The following AGBL4 variants were observed in gnomAD, a reference collection of about 807,000 sequenced individuals.
The protein encoded by AGBL4 is AGBL carboxypeptidase 4.
A neutral mutation model predicts 66.4 loss-of-function variants in AGBL4; 58 were observed. The observed-to-expected ratio is 0.87, with a 90% CI of 0.71 to 1.09. The LOEUF (loss-of-function observed/expected upper bound fraction) is 1.09, where lower values mean the gene tolerates loss of function less well. Among genes scored for constraint, AGBL4 ranks in the 50% least tolerant of loss-of-function variants. AGBL4 has a pLI of 0.00. For synonymous variants in AGBL4, 234 were observed against 222.9 expected (o/e 1.05, Z -0.44); for missense variants, 579 against 631.0 (o/e 0.92, Z 0.88).
chr1:49,197,964 A>G (rs939242814), intron 4 of AGBL4, among the ~76,000 whole-genome samples: 1 of 152,146 alleles, frequency 6.6e-6, no homozygotes, highest in Admixed American at 6.6e-5. Flanking sequence ...TATGCCACCC[A>G]GCTTGTTATG....
intron 9 of AGBL4, among the ~76,000 whole-genome samples, chr1:48,601,326 T>C (rs537147035): frequency 3.3e-5 from 5 of 152,352 alleles, no homozygotes; most frequent in African/African-American, 1.2e-4. Flanking sequence ...TAACTGGCTT[T>C]GTGCCTACCA....
At chr1:49,429,005 G>T (rs1473083718) in intron 3 of AGBL4, among the ~76,000 whole-genome samples, 1 of 152,230 alleles carries the variant, frequency 6.6e-6, no homozygotes, top group Non-Finnish European at 1.5e-5. Flanking sequence ...ACCACAGGCT[G>T]ATGTATCTGC....
intron 3 of AGBL4, among the ~76,000 whole-genome samples, chr1:49,687,782 TA>T (rs953074081): frequency 3.5e-4 from 52 of 148,346 alleles, no homozygotes; most frequent in East Asian, 1.8e-3. Flanking sequence ...CTAAAAAAAA[TA>T]AAAAAAAAAT....
At chr1:49,134,214 C>G (rs1390495696) in intron 4 of AGBL4, among the ~76,000 whole-genome samples, 1 of 152,064 alleles carries the variant, frequency 6.6e-6, no homozygotes, top group Admixed American at 6.6e-5. Flanking sequence ...CAAAAGATCA[C>G]AAGGCAGAAG....
chr1:48,573,016 A>G (rs1304465197), intron 11 of AGBL4, among the ~76,000 whole-genome samples: 1 of 152,166 alleles, frequency 6.6e-6, no homozygotes, highest in African/African-American at 2.4e-5. Context: ...CCCTACTAAC[A>G]CAGGCTGGGA....
At chr1:49,739,321 T>C (rs1571446805) in intron 2 of AGBL4, among the ~76,000 whole-genome samples, 2 of 151,926 alleles carry the variant, frequency 1.3e-5, no homozygotes, top group East Asian at 1.9e-4. Context: ...GAAGATCAAA[T>C]GAATGAAATG....
chr1:49,641,462 A>G (rs1000418551), intron 3 of AGBL4, among the ~76,000 whole-genome samples: 1 of 152,094 alleles, frequency 6.6e-6, no homozygotes, highest in Non-Finnish European at 1.5e-5. Context: ...ACCTTATCAC[A>G]TGAGACTGCA....
intron 3 of AGBL4, among the ~76,000 whole-genome samples, chr1:49,340,143 C>T (rs1298510503): frequency 6.7e-6 from 1 of 149,656 alleles, no homozygotes; most frequent in Admixed American, 6.7e-5. Context: ...GCTCCCATAT[C>T]TAATTAGTGC....
chr1:49,697,539 C>T, intron 2 of AGBL4, 102 bp from the exon 3 acceptor site: 3 of 973,912 alleles, frequency 3.1e-6, no homozygotes, highest in Non-Finnish European at 4.3e-6. Context: ...CATTTGTCAA[C>T]ATTCAGTACT....
At chr1:49,782,320 A>T (rs1024573768) in intron 2 of AGBL4, among the ~76,000 whole-genome samples, 2 of 152,178 alleles carry the variant, frequency 1.3e-5, no homozygotes, top group Non-Finnish European at 2.9e-5. Flanking sequence ...ATAAGATCAT[A>T]CTATGAACAA....
chr1:49,843,418 C>A (rs531995268), intron 2 of AGBL4, among the ~76,000 whole-genome samples: 2 of 152,304 alleles, frequency 1.3e-5, no homozygotes, highest in Admixed American at 1.3e-4. Flanking sequence ...AGATTACAGG[C>A]ATGAGGCCCT....
intron 11 of AGBL4, among the ~76,000 whole-genome samples, chr1:48,575,721 C>T (rs1050310256): frequency 6.6e-6 from 1 of 152,154 alleles, no homozygotes; most frequent in Non-Finnish European, 1.5e-5. Flanking sequence ...TGCACCTCCT[C>T]CCACCCCTTG....
At chr1:49,677,632 T>C (rs1207162020) in intron 3 of AGBL4, among the ~76,000 whole-genome samples, 2 of 152,148 alleles carry the variant, frequency 1.3e-5, no homozygotes, top group African/African-American at 4.8e-5. Context: ...TGTTTTGTTC[T>C]CTATTTTCTG....
chr1:49,575,837 G>T (rs886166077), intron 3 of AGBL4, among the ~76,000 whole-genome samples: 1 of 152,182 alleles, frequency 6.6e-6, no homozygotes, highest in Admixed American at 6.5e-5. Context: ...TGCTTCAGGG[G>T]TATATCAACT....
chr1:48,768,136 G>A (rs1351647868), intron 6 of AGBL4, among the ~76,000 whole-genome samples: 1 of 151,404 alleles, frequency 6.6e-6, no homozygotes, highest in Non-Finnish European at 1.5e-5. Context: ...GAAAAATAAG[G>A]AAGTTGCTGT....
chr1:48,802,515 G>A (rs907392478), intron 6 of AGBL4, among the ~76,000 whole-genome samples: 8 of 152,110 alleles, frequency 5.3e-5, no homozygotes, highest in Non-Finnish European at 1.2e-4. Context: ...TGGTACATTG[G>A]AAGCTCTTGG....
intron 3 of AGBL4, among the ~76,000 whole-genome samples, chr1:49,627,035 G>A (rs1558113717): frequency 6.6e-6 from 1 of 152,076 alleles, no homozygotes; most frequent in Non-Finnish European, 1.5e-5. Context: ...ATCTGCTGTT[G>A]CTCATGGACC....
intron 11 of AGBL4, chr1:48,586,538 T>G: frequency 6.0e-6 from 1 of 166,230 alleles, no homozygotes; most frequent in East Asian, 1.8e-4. Context: ...AAATAGTGAG[T>G]AGAGGGAAGA....
chr1:49,482,593 T>C (rs190996452), intron 3 of AGBL4, among the ~76,000 whole-genome samples: 1 of 152,068 alleles, frequency 6.6e-6, no homozygotes, highest in Admixed American at 6.5e-5. Flanking sequence ...GATTCTTTGA[T>C]GTTTTGAATG....
Sources: gnomAD v4.1 joint callset for allele counts (sites outside exome capture counted in the v4.1 genomes callset) on GRCh38, gnomAD v4.1.1 for gene constraint, MANE v1.5 for transcripts, NCBI Gene and HGNC (gene_info 2026-07-23, HGNC 2026-07-21) for gene names.